Variants in INPP4B observed in about 807,000 individuals in gnomAD.
INPP4B encodes the protein inositol polyphosphate-4-phosphatase type II B, also known as inositol polyphosphate 4-phosphatase type II.
In INPP4B, 55 loss-of-function variants were observed where a neutral mutation model predicts 122.5. The ratio of observed to expected loss-of-function variants is 0.45; its 90% CI spans 0.36 to 0.56. The LOEUF (loss-of-function observed/expected upper bound fraction) is 0.56. Ranked by LOEUF, INPP4B falls within the 20% of genes least tolerant of loss-of-function variation. The pLI, the probability that INPP4B is intolerant of heterozygous loss-of-function variation, is 0.00. For missense variants in INPP4B, 1,000 were observed against 1,097.7 expected, an observed-to-expected ratio of 0.91 and a Z score of 1.26; for synonymous variants, 403 against 388.7, an observed-to-expected ratio of 1.04 and a Z score of -0.43.
intron 1 of INPP4B, among the ~76,000 whole-genome samples, chr4:142,839,798 G>A (rs1783259862): frequency 6.6e-6 from 1 of 152,116 alleles, no homozygotes; most frequent in Non-Finnish European, 1.5e-5. Context: ...TTCTACCTTT[G>A]AAATGTTACA....
chr4:142,472,382 C>T (rs1301996718), intron 2 of INPP4B, among the ~76,000 whole-genome samples: 4 of 151,708 alleles, frequency 2.6e-5, no homozygotes, highest in African/African-American at 4.8e-5. Flanking sequence ...ATTACCTTTA[C>T]CCCATACCCT....
At chr4:142,359,248 A>G (rs1280105161) in intron 7 of INPP4B, among the ~76,000 whole-genome samples, 1 of 151,774 alleles carries the variant, frequency 6.6e-6, no homozygotes, top group Non-Finnish European at 1.5e-5. Flanking sequence ...CAGGCTCTGG[A>G]GCCAAACGGC....
At chr4:142,416,355 C>T (rs2149278209) in intron 5 of INPP4B, among the ~76,000 whole-genome samples, 1 of 152,178 alleles carries the variant, frequency 6.6e-6, no homozygotes, top group African/African-American at 2.4e-5. Flanking sequence ...TTTACCAAAT[C>T]CTGAGCATGC....
At chr4:142,281,847 T>G (rs932065027) in intron 9 of INPP4B, among the ~76,000 whole-genome samples, 35 of 152,018 alleles carry the variant, frequency 2.3e-4, no homozygotes, top group African/African-American at 8.2e-4. Flanking sequence ...TTTTTTAAAT[T>G]CTCATTTACT....
intron 2 of INPP4B, among the ~76,000 whole-genome samples, chr4:142,592,303 A>C (rs1737667226): frequency 6.6e-6 from 1 of 152,212 alleles, no homozygotes; most frequent in African/African-American, 2.4e-5. Flanking sequence ...GGTTTCTCCA[A>C]AGGCTTCCTA....
chr4:142,844,618 G>A (rs763125550), intron 1 of INPP4B, among the ~76,000 whole-genome samples: 1 of 152,196 alleles, frequency 6.6e-6, no homozygotes, highest in African/African-American at 2.4e-5. Context: ...GTGCATCAAT[G>A]CGTAAAGGAG....
At chr4:142,553,165 A>C (rs1268050507) in intron 2 of INPP4B, among the ~76,000 whole-genome samples, 1 of 151,894 alleles carries the variant, frequency 6.6e-6, no homozygotes, top group Non-Finnish European at 1.5e-5. Flanking sequence ...TTGGCCCTTC[A>C]ATGCCCAGAT....
At chr4:142,814,813 A>G (rs1415856547) in intron 1 of INPP4B, among the ~76,000 whole-genome samples, 1 of 152,160 alleles carries the variant, frequency 6.6e-6, no homozygotes, top group East Asian at 1.9e-4. Flanking sequence ...AGGATTTCAG[A>G]TAATATGTGC....
rs573183312 is a variant in INPP4B at position 142,159,364 on chromosome 4, G to A, written c.1563+994C>T. 4.0e-5 allele frequency among the ~76,000 whole-genome samples: 6 copies of A among 151,846 alleles called. No homozygotes were observed. In the East Asian group the frequency reaches 9.7e-4, roughly 25 times the overall value. ...GAGAAATGCAATTTTAATCACCAAC[G>A]ACAAACACTCAGCATTTACCTCTTG... On this transcript the variant is annotated intron_variant, in intron 17 of 25. Coordinates refer to ENST00000262992, the MANE Select transcript of INPP4B (RefSeq NM_001101669.3).
At chr4:142,190,717 AGTGTGTGTGT>A (rs374099702) in intron 15 of INPP4B, among the ~76,000 whole-genome samples, 2 of 143,896 alleles carry the variant, frequency 1.4e-5, no homozygotes, top group Non-Finnish European at 3.0e-5. Flanking sequence ...GATCTGTAAG[AGTGTGTGTGT>A]GTGTGTGTGT....
At chr4:142,351,077 C>A (rs1395569802) in intron 7 of INPP4B, among the ~76,000 whole-genome samples, 1 of 152,002 alleles carries the variant, frequency 6.6e-6, no homozygotes, top group African/African-American at 2.4e-5. Flanking sequence ...GTAATAGCAG[C>A]TGAAACCAGT....
intron 2 of INPP4B, among the ~76,000 whole-genome samples, chr4:142,647,557 C>T (rs1752052539): frequency 6.6e-6 from 1 of 152,146 alleles, no homozygotes; most frequent in South Asian, 2.1e-4. Flanking sequence ...GAGAAATAGA[C>T]AGTGTCCCCA....
intron 7 of INPP4B, among the ~76,000 whole-genome samples, chr4:142,359,123 C>T (rs1315081490): frequency 2.6e-5 from 4 of 151,834 alleles, no homozygotes; most frequent in Non-Finnish European, 5.9e-5. Flanking sequence ...ATCATATTGT[C>T]CATTGTGACA....
At chr4:142,739,573 C>T (rs1193315326) in intron 1 of INPP4B, among the ~76,000 whole-genome samples, 4 of 151,788 alleles carry the variant, frequency 2.6e-5, no homozygotes, top group Non-Finnish European at 5.9e-5. Context: ...ATGTAACATA[C>T]TGGTATACAT....
At chr4:142,523,372 A>C (rs550724875) in intron 2 of INPP4B, among the ~76,000 whole-genome samples, 3 of 152,252 alleles carry the variant, frequency 2.0e-5, no homozygotes, top group African/African-American at 7.2e-5. Context: ...AACATGATGT[A>C]AGAGGATTAT....
rs377252315 is a variant in INPP4B at position 142,693,008 on chromosome 4, T to TA, written c.-191+32830dup. On this transcript the variant is annotated intron_variant, in intron 2 of 25. Coordinates refer to ENST00000262992, the MANE Select transcript of INPP4B (RefSeq NM_001101669.3). The stretch of plus-strand genomic sequence containing the variant: ...AGTAAATTCTAACAACTTGATGCCT[T>TA]AAAAAAAAAAAAAGAGAAATTAACA... 2.4e-3 allele frequency among the ~76,000 whole-genome samples: 344 copies of TA among 141,434 alleles called. 1 individual carries two copies. Among genetic ancestry groups the TA allele is most frequent in the East Asian group, 0.015 (75 of 4,918 alleles). 92.8% of individuals were successfully genotyped at this position (141,434 alleles called of 152,430 possible).
chr4:142,747,760 T>C (rs1394733136), intron 1 of INPP4B, among the ~76,000 whole-genome samples: 1 of 151,936 alleles, frequency 6.6e-6, no homozygotes, highest in East Asian at 1.9e-4. Flanking sequence ...CTCAGCAAAC[T>C]AACACAAAAA....
chr4:142,523,948 A>G (rs1241440554), intron 2 of INPP4B, among the ~76,000 whole-genome samples: 11 of 146,886 alleles, frequency 7.5e-5, no homozygotes, highest in Non-Finnish European at 1.5e-4. Context: ...GAGAATGATG[A>G]TTTCCAATTT....
At position 142,259,378 on chromosome 4, in the gene INPP4B, G is replaced by GA. The variant is rs915599442; in HGVS notation, c.688+1113dup. On this transcript the variant is annotated intron_variant, in intron 11 of 25. Coordinates refer to ENST00000262992, the MANE Select transcript of INPP4B (RefSeq NM_001101669.3). ...ATAATAATAAATAAATAAAAAAAAA[G>GA]AAAAAAAAAAGATCAGATACCACAA... Among the ~76,000 whole-genome samples, 310 of 145,590 alleles carry GA rather than the reference G, an allele frequency of 2.1e-3. 2 individuals carry two copies. The highest frequency in any genetic ancestry group is 5.9e-3 in the African/African-American group (234 of 39,786).
Sources: allele counts gnomAD v4.1 joint callset (sites outside exome capture counted in the v4.1 genomes callset), GRCh38; gene constraint gnomAD v4.1.1; transcripts MANE v1.5; gene names NCBI Gene and HGNC (gene_info 2026-07-23, HGNC 2026-07-21).